PARD3B: variants seen among roughly 807,000 people sequenced by gnomAD.
The protein encoded by PARD3B is partitioning defective 3 homolog B.
A neutral mutation model predicts 130.2 loss-of-function variants in PARD3B; 103 were observed. That is an observed-to-expected ratio of 0.79 (90% CI 0.67 to 0.93). The LOEUF (loss-of-function observed/expected upper bound fraction) is 0.93. Among genes scored for constraint, PARD3B ranks in the 40% least tolerant of loss-of-function variants. The pLI is 0.00. For missense variants in PARD3B, 1,609 were observed against 1,499.2 expected (o/e 1.07, Z -1.21); for synonymous variants, 583 against 553.2 (o/e 1.05, Z -0.76).
chr2:205,013,907 A>G (rs1257212652), intron 3 of PARD3B, among the ~76,000 whole-genome samples: 1 of 152,150 alleles, frequency 6.6e-6, no homozygotes, highest in African/African-American at 2.4e-5. Flanking sequence ...ACCATTTGAG[A>G]ACCAAGGTGT....
intron 3 of PARD3B, among the ~76,000 whole-genome samples, chr2:204,994,970 G>A (rs1694025927): frequency 6.6e-6 from 1 of 150,808 alleles, no homozygotes; most frequent in Non-Finnish European, 1.5e-5. Context: ...GAGCCTATGT[G>A]TGTCTCTGCA....
intron 15 of PARD3B, among the ~76,000 whole-genome samples, chr2:205,222,951 C>T (rs1196924465): frequency 6.6e-6 from 1 of 151,352 alleles, no homozygotes; most frequent in Non-Finnish European, 1.5e-5. Context: ...GCTATCTTTG[C>T]CTTCATTGAG....
At chr2:205,217,641 C>T (rs2037982802) in intron 15 of PARD3B, among the ~76,000 whole-genome samples, 1 of 151,518 alleles carries the variant, frequency 6.6e-6, no homozygotes, top group African/African-American at 2.4e-5. Flanking sequence ...AATATAACAA[C>T]AAATTACTAT....
intron 15 of PARD3B, among the ~76,000 whole-genome samples, chr2:205,232,540 A>G (rs941107730): frequency 2.0e-4 from 30 of 152,222 alleles, no homozygotes; most frequent in African/African-American, 7.2e-4. Flanking sequence ...ATTAATATGC[A>G]TGTAAAGAAA....
intron 2 of PARD3B, among the ~76,000 whole-genome samples, chr2:204,925,453 G>C (rs1195352536): frequency 6.6e-6 from 1 of 151,968 alleles, no homozygotes; most frequent in Non-Finnish European, 1.5e-5. Context: ...TGAGCTCCTT[G>C]AGTCCATGTG....
At chr2:205,313,288 C>A (rs1239278537) in intron 18 of PARD3B, among the ~76,000 whole-genome samples, 2 of 152,144 alleles carry the variant, frequency 1.3e-5, no homozygotes, top group Non-Finnish European at 2.9e-5. Context: ...TGCCGTGGCA[C>A]CCAGCACACA....
In PARD3B at chr2:205,276,553, G is replaced by A. The variant is rs531863391; in HGVS notation, c.2186-23977G>A. On this transcript the variant is annotated intron_variant, in intron 16 of 22. Transcript: ENST00000406610. This position sits in a 1 kb window ranked among gnomAD's most constrained non-coding sequence, Gnocchi z 5.0. Reference sequence around the variant, plus strand: ...GGAGCTAGGCGGGGCCTTCGGGAGCGGGAGCAGCACCCACCATCTCACAAA... The same window carrying A: ...GGAGCTAGGCGGGGCCTTCGGGAGCAGGAGCAGCACCCACCATCTCACAAA... Among the ~76,000 whole-genome samples the A allele has an allele frequency of 2.0e-5, 3 of 152,248 alleles. No homozygotes were observed. The highest frequency in any genetic ancestry group is 1.9e-4 in the East Asian group (1 of 5,170).
intron 16 of PARD3B, among the ~76,000 whole-genome samples, chr2:205,289,002 A>C (rs1011146151): frequency 6.6e-6 from 1 of 152,166 alleles, no homozygotes; most frequent in Non-Finnish European, 1.5e-5. Flanking sequence ...AATTTTGTTG[A>C]TGGTGTCATG....
At chr2:204,672,163 C>G (rs2036335626) in intron 1 of PARD3B, among the ~76,000 whole-genome samples, 1 of 152,168 alleles carries the variant, frequency 6.6e-6, no homozygotes, top group Non-Finnish European at 1.5e-5. Context: ...TTCTCATTCG[C>G]ATTCCTGAAG....
intron 2 of PARD3B, among the ~76,000 whole-genome samples, chr2:204,753,495 G>C (rs982918502): frequency 4.6e-5 from 7 of 151,944 alleles, no homozygotes; most frequent in Non-Finnish European, 8.8e-5. Context: ...AGCTTACTTA[G>C]AATTTTTAAA....
At chr2:204,662,790 A>G (rs2035869379) in intron 1 of PARD3B, among the ~76,000 whole-genome samples, 1 of 152,208 alleles carries the variant, frequency 6.6e-6, no homozygotes, top group South Asian at 2.1e-4. Flanking sequence ...CTAAGACACC[A>G]GCAGTTTGAC....
chr2:205,354,327 C>T (rs932488642), intron 18 of PARD3B, among the ~76,000 whole-genome samples: 1 of 152,124 alleles, frequency 6.6e-6, no homozygotes, highest in African/African-American at 2.4e-5. Context: ...GGACGAGCTG[C>T]AGACAAAACC....
chr2:204,891,340 G>C (rs2046438161), intron 2 of PARD3B, among the ~76,000 whole-genome samples: 1 of 152,102 alleles, frequency 6.6e-6, no homozygotes, highest in South Asian at 2.1e-4. Flanking sequence ...TATGAACACA[G>C]ATTGTATTGA....
At chr2:205,159,669 G>T (rs922317706) in intron 11 of PARD3B, among the ~76,000 whole-genome samples, 9 of 152,162 alleles carry the variant, frequency 5.9e-5, no homozygotes, top group Admixed American at 3.9e-4. Context: ...AAACAATAAA[G>T]TGATGATAGA....
At chr2:205,324,340 A>T (rs1042669212) in intron 18 of PARD3B, among the ~76,000 whole-genome samples, 71 of 152,318 alleles carry the variant, frequency 4.7e-4, no homozygotes, top group African/African-American at 1.6e-3. Context: ...GGTTACCCAT[A>T]TAATTTCAGT....
At chr2:204,671,320 GATA>G (rs1197377941) in intron 1 of PARD3B, among the ~76,000 whole-genome samples, 2 of 152,162 alleles carry the variant, frequency 1.3e-5, no homozygotes, top group African/African-American at 4.8e-5. Flanking sequence ...TTTCTCCAGA[GATA>G]ATATCTCTTG....
At chr2:205,493,710 TTTCATTTATGTATGTA>T (rs1385190745) in intron 20 of PARD3B, among the ~76,000 whole-genome samples, 9 of 146,074 alleles carry the variant, frequency 6.2e-5, no homozygotes, top group South Asian at 2.2e-4. Flanking sequence ...AGCCATTTCT[TTTCATTTATGTATGTA>T]TTTATTTATT....
chr2:205,215,419 G>T (rs2037857362), intron 15 of PARD3B, among the ~76,000 whole-genome samples: 1 of 151,724 alleles, frequency 6.6e-6, no homozygotes, highest in South Asian at 2.1e-4. Context: ...GAGAATAAAG[G>T]AATAATTAGA....
chr2:205,103,875 C>T (rs146346313), intron 4 of PARD3B: 157 of 290,972 alleles, frequency 5.4e-4, no homozygotes, highest in African/African-American at 3.3e-3. Flanking sequence ...ATTAAATAGG[C>T]AATTTGAATC....
Sources: gnomAD v4.1 joint callset for allele counts (sites outside exome capture counted in the v4.1 genomes callset) on GRCh38, gnomAD v4.1.1 for gene constraint, Gnocchi (gnomAD v3.1) non-coding constraint, MANE v1.5 for transcripts, NCBI Gene and HGNC (gene_info 2026-07-23, HGNC 2026-07-21) for gene names.